The following MTX3 variants were observed in gnomAD, a reference collection of about 807,000 sequenced individuals.
MTX3 encodes metaxin 3.
Under a neutral mutation model 42.5 loss-of-function variants are expected in MTX3, and 27 were observed. The ratio of observed to expected loss-of-function variants is 0.64; its 90% CI spans 0.47 to 0.88. The LOEUF is 0.88. Ranked by LOEUF, MTX3 falls within the 40% of genes least tolerant of loss-of-function variation. The pLI is 0.00. For missense variants in MTX3, 378 were observed against 367.0 expected, an observed-to-expected ratio of 1.03 and a Z score of -0.25; for synonymous variants, 144 against 132.9, an observed-to-expected ratio of 1.08 and a Z score of -0.57.
rs1224109962 is a variant in MTX3, at chr5:79,980,126, T to G, written c.*3558A>C. 2 of 152,166 alleles carry G rather than the reference T, an allele frequency of 1.3e-5. No homozygotes were observed. The highest frequency in any genetic ancestry group is 2.4e-5 in the African/African-American group (1 of 41,448). The allele number at this position is 152,166 out of a possible 1,614,324, so 9.4% of individuals were successfully genotyped here. On this transcript the variant is annotated 3_prime_UTR_variant, in exon 9 of 9. Transcript: ENST00000512528. ...AAGTTTTTGACAGTTGATGAAAAACTGTCAAAAAATTGTAACAAGCCTGGT... is the reference window on the plus strand; with the variant it reads ...AAGTTTTTGACAGTTGATGAAAAACGGTCAAAAAATTGTAACAAGCCTGGT...
In MTX3 at chr5:79,987,111, G is replaced by T. The variant is rs966885243; in HGVS notation, c.582-4C>A. On this transcript the variant is annotated splice_polypyrimidine_tract_variant and splice_region_variant and intron_variant, in intron 6 of 8. Coordinates refer to ENST00000512528, the MANE Select transcript of MTX3 (RefSeq NM_001363818.2). ...ATAGGCATCCAAGGTAGAAGGCCTAGAAATAAATTAAGGATTTTTAAAGCA... is the reference window on the plus strand; with the variant it reads ...ATAGGCATCCAAGGTAGAAGGCCTATAAATAAATTAAGGATTTTTAAAGCA... 6.2e-7 allele frequency: 1 copy of T among 1,612,436 alleles called. No individual in the cohort carries two copies. Among genetic ancestry groups the T allele is most frequent in the East Asian group, 2.2e-5 (1 of 44,850 alleles).
rs763794892 is a variant in MTX3, at chr5:79,987,124, G to A, written c.582-17C>T. The A allele has an allele frequency of 1.8e-5, 29 of 1,611,768 alleles. No individual in the cohort carries two copies. The East Asian group carries it at 6.5e-4, about 36-fold the overall frequency. ...GTAGAAGGCCTAGAAATAAATTAAG[G>A]ATTTTTAAAGCACATAAGACAATAT... On this transcript the variant is annotated splice_polypyrimidine_tract_variant and intron_variant, in intron 6 of 8. Coordinates refer to ENST00000512528, the MANE Select transcript of MTX3 (RefSeq NM_001363818.2).
chr5:79,985,735 T>G, intron 7 of MTX3, 76 bp from the exon 8 acceptor site: 2 of 1,050,356 alleles, frequency 1.9e-6, no homozygotes, highest in Non-Finnish European at 2.8e-6. Context: ...TTGAAAGAAT[T>G]TTGAGTCTAC....
At position 79,981,455 on chromosome 5, in the gene MTX3, A is replaced by G. The variant is rs1384434377; in HGVS notation, c.*2229T>C. On this transcript the variant is annotated 3_prime_UTR_variant, in exon 9 of 9. Coordinates refer to ENST00000512528, the MANE Select transcript of MTX3 (RefSeq NM_001363818.2). ...CATATTGACAGTCATTCCCTCTACT[A>G]AAAAAGAATAATACTTGTTATTCTA... is the stretch of plus-strand genomic sequence containing the variant. The G allele has an allele frequency of 2.6e-5, 4 of 152,234 alleles. No homozygotes were observed. Among genetic ancestry groups the G allele is most frequent in the Non-Finnish European group, 4.4e-5 (3 of 68,042 alleles). 9.4% of individuals were successfully genotyped at this position (152,234 alleles called of 1,614,324 possible). A position where few individuals can be genotyped will look rare whatever the true frequency, so the allele number is the denominator to read the frequency against.
At position 79,981,402 on chromosome 5, in the gene MTX3, A is replaced by G. The variant is rs1357005138; in HGVS notation, c.*2282T>C. On this transcript the variant is annotated 3_prime_UTR_variant, in exon 9 of 9. Coordinates refer to ENST00000512528, the MANE Select transcript of MTX3 (RefSeq NM_001363818.2). ...GAATGTAAGGCTAACAGCAGTTCAAAGTAGGGATGACACAAAAACAAATAA... is the reference window on the plus strand; with the variant it reads ...GAATGTAAGGCTAACAGCAGTTCAAGGTAGGGATGACACAAAAACAAATAA... 2 of 152,200 alleles carry G rather than the reference A, an allele frequency of 1.3e-5. No homozygotes were observed. Among genetic ancestry groups the G allele is most frequent in the African/African-American group, 4.8e-5 (2 of 41,452 alleles). 9.4% of individuals were successfully genotyped at this position (152,200 alleles called of 1,614,324 possible).
chr5:79,981,814 G>A lies in MTX3; in HGVS notation c.*1870C>T, dbSNP rs1453831196. The A allele has an allele frequency of 2.6e-5, 4 of 151,564 alleles. No individual in the cohort carries two copies. Among genetic ancestry groups the A allele is most frequent in the Admixed American group, 1.3e-4 (2 of 15,242 alleles). The allele number at this position is 151,564 out of a possible 1,614,324, so 9.4% of individuals were successfully genotyped here. ...AAATTTAAAATTTTTAAATTGTCCTGTTTTACATGTAATATACTTGTAATA... is the reference window on the plus strand; with the variant it reads ...AAATTTAAAATTTTTAAATTGTCCTATTTTACATGTAATATACTTGTAATA... On this transcript the variant is annotated 3_prime_UTR_variant, in exon 9 of 9. Coordinates refer to ENST00000512528, the MANE Select transcript of MTX3 (RefSeq NM_001363818.2).
At chr5:79,985,496 T>A in intron 8 of MTX3, 75 bp downstream of exon 8, 1 of 972,680 alleles carries the variant, frequency 1.0e-6, no homozygotes, top group Non-Finnish European at 1.6e-6. Context: ...ACAGTTAATG[T>A]GTGACCCAAA....
Position 79,983,869 on chromosome 5 carries a change from A to C in MTX3, c.829-75T>G, listed in dbSNP as rs1831429401. 5.4e-6 allele frequency: 5 copies of C among 918,594 alleles called. No homozygotes were observed. In the East Asian group the frequency reaches 1.2e-4, roughly 22 times the overall value. The allele number at this position is 918,594 out of a possible 1,614,324, so 56.9% of individuals were successfully genotyped here. On this transcript the variant is annotated intron_variant, in intron 8 of 8. Transcript: ENST00000512528. ...TGTGGACTGTGGCCTCCCCATCCAA[A>C]CTATAGCCTAGAAGAGTACAGAACC...
At chr5:79,985,107 G>A (rs1561281829) in intron 8 of MTX3, among the ~76,000 whole-genome samples, 1 of 152,020 alleles carries the variant, frequency 6.6e-6, no homozygotes, top group Non-Finnish European at 1.5e-5. Context: ...TCAGCCTCCT[G>A]AGTAGCTGGG....
rs751158336 is a variant in MTX3, at chr5:79,987,126, T to C, written c.582-19A>G. The C allele has an allele frequency of 1.2e-5, 19 of 1,611,668 alleles. 1 individual carries two copies. In the South Asian group the frequency reaches 2.1e-4, roughly 18 times the overall value. ...AGAAGGCCTAGAAATAAATTAAGGA[T>C]TTTTAAAGCACATAAGACAATATTA... On this transcript the variant is annotated intron_variant, in intron 6 of 8. Coordinates refer to ENST00000512528, the MANE Select transcript of MTX3 (RefSeq NM_001363818.2).
rs1342800927 is a variant in MTX3, at chr5:79,991,145, G to C, written c.81+13C>G. 9.7e-6 allele frequency: 15 copies of C among 1,545,248 alleles called. No homozygotes were observed. In the East Asian group the frequency reaches 2.9e-4, roughly 30 times the overall value. ...CCCTTCCTCCTGCGCCCTGGCCCGC[G>C]AGGCGGCCTCACCATCACCACCAGG... On this transcript the variant is annotated intron_variant, in intron 1 of 8. Transcript: ENST00000512528.
In MTX3 at chr5:79,976,864, T is replaced by A. The variant is rs184862227; in HGVS notation, c.*6820A>T. The A allele has an allele frequency of 5.9e-5, 9 of 152,756 alleles. 1 individual carries two copies. Among genetic ancestry groups the A allele is most frequent in the Admixed American group, 2.6e-4 (4 of 15,300 alleles). The allele number at this position is 152,756 out of a possible 1,614,324, so 9.5% of individuals were successfully genotyped here. A position where few individuals can be genotyped will look rare whatever the true frequency, so the allele number is the denominator to read the frequency against. ...ATTTGTACATAGTCTCTGAGTAAAA[T>A]ATATTCACACTCGGCAAGGCTAGAA... On this transcript the variant is annotated 3_prime_UTR_variant, in exon 9 of 9. Coordinates refer to ENST00000512528, the MANE Select transcript of MTX3 (RefSeq NM_001363818.2).
At chr5:79,990,318 T>C (rs1580891177) in intron 2 of MTX3, 82 bp from the exon 3 acceptor site, 2 of 973,600 alleles carry the variant, frequency 2.1e-6, no homozygotes, top group Non-Finnish European at 3.0e-6. Flanking sequence ...ACTATAGCAG[T>C]TGCACATTTA....
At chr5:79,990,936 A>G (rs1264666504) in intron 1 of MTX3, 2 of 714,344 alleles carry the variant, frequency 2.8e-6, no homozygotes, top group South Asian at 3.0e-5. Flanking sequence ...TGAGGCGGAC[A>G]AAACTCGGAG....
intron 3 of MTX3, 46 bp downstream of exon 3, chr5:79,990,114 G>A (rs750573038): frequency 1.6e-6 from 2 of 1,217,092 alleles, no homozygotes; most frequent in Non-Finnish European, 1.2e-6. Context: ...CCAACATGCA[G>A]GGATCAACAA....
chr5:79,986,727 A>C, intron 7 of MTX3: 1 of 577,450 alleles, frequency 1.7e-6, no homozygotes, highest in Non-Finnish European at 3.1e-6. Flanking sequence ...GAAACGTAAA[A>C]ATCCAGCGGA....
chr5:79,990,225 T>C lies in MTX3; in HGVS notation c.163A>G (p.Ile55Val), dbSNP rs146367288. ...TWRGSRGDVPILTTEDDMVSQ... is the reference protein window; with the variant it reads ...TWRGSRGDVPVLTTEDDMVSQ... ...ACCATGTCGTCTTCAGTTGTCAAAA[T>C]TGGTACATCGCCTATAATCAAAAAA... Residue 55 changes from isoleucine (I) to valine (V), a missense_variant, in exon 3 of 9, where the codon ATT becomes GTT. Ile to Val is a conservative substitution (Grantham distance 29, BLOSUM62 3). Coordinates refer to ENST00000512528, the MANE Select transcript of MTX3 (RefSeq NM_001363818.2). The C allele has an allele frequency of 7.3e-5, 117 of 1,608,410 alleles. 2 individuals carry two copies. Among genetic ancestry groups the C allele is most frequent in the South Asian group, 5.0e-4 (45 of 89,810 alleles).
chr5:79,982,493 C>A lies in MTX3; in HGVS notation c.*1191G>T. 1 of 448,344 alleles carries A rather than the reference C, an allele frequency of 2.2e-6. No individual in the cohort carries two copies. The highest frequency in any genetic ancestry group is 1.6e-5 in the South Asian group (1 of 62,528). 27.8% of individuals were successfully genotyped at this position (448,344 alleles called of 1,614,324 possible). A position where few individuals can be genotyped will look rare whatever the true frequency, so the allele number is the denominator to read the frequency against. On this transcript the variant is annotated 3_prime_UTR_variant, in exon 9 of 9. Coordinates refer to ENST00000512528, the MANE Select transcript of MTX3 (RefSeq NM_001363818.2). ...ACATGGTTCTACATTTTAAAAACCT[C>A]AGAAGTAGTTTTAGGACAACAGAAG...
chr5:79,979,590 G>A lies in MTX3; in HGVS notation c.*4094C>T, dbSNP rs912847576. On this transcript the variant is annotated 3_prime_UTR_variant, in exon 9 of 9. Transcript: ENST00000512528. ...TCTTGTCACACTGTGCATATGGAGAGAGAACAAGTACAAGGCACGGGAGAA... is the reference window on the plus strand; with the variant it reads ...TCTTGTCACACTGTGCATATGGAGAAAGAACAAGTACAAGGCACGGGAGAA... 6.6e-6 allele frequency: 1 copy of A among 152,208 alleles called. No individual in the cohort carries two copies. Among genetic ancestry groups the A allele is most frequent in the African/African-American group, 2.4e-5 (1 of 41,450 alleles). 9.4% of individuals were successfully genotyped at this position (152,208 alleles called of 1,614,324 possible).
Sources: allele counts gnomAD v4.1 joint callset (sites outside exome capture counted in the v4.1 genomes callset), GRCh38; gene constraint gnomAD v4.1.1; transcripts MANE v1.5; gene names NCBI Gene and HGNC (gene_info 2026-07-23, HGNC 2026-07-21).